GRID1: variants seen among roughly 807,000 people sequenced by gnomAD.
The protein encoded by GRID1 is glutamate ionotropic receptor delta type subunit 1, also known as glutamate receptor ionotropic, delta-1.
GRID1 carries 28 observed loss-of-function variants against 98.0 expected under a neutral mutation model. The observed-to-expected ratio is 0.29, with a 90% CI of 0.21 to 0.39. The LOEUF is 0.39. GRID1 is among the 10% of genes least tolerant of loss of function. The pLI, the probability that GRID1 is intolerant of heterozygous loss-of-function variation, is 1.00. For missense variants in GRID1, 1,111 were observed against 1,340.5 expected (o/e 0.83, Z 2.67); for synonymous variants, 553 against 538.5 (o/e 1.03, Z -0.37).
intron 8 of GRID1, among the ~76,000 whole-genome samples, chr10:85,767,180 C>A (rs571758969): frequency 6.6e-6 from 1 of 152,320 alleles, no homozygotes; most frequent in South Asian, 2.1e-4. Context: ...AAAGTTGTAG[C>A]TAATATTTCC....
At chr10:86,057,012 C>A (rs1843583759) in intron 4 of GRID1, among the ~76,000 whole-genome samples, 1 of 152,190 alleles carries the variant, frequency 6.6e-6, no homozygotes, top group Non-Finnish European at 1.5e-5. Context: ...GAAGTTCCTT[C>A]AGCACATCCA....
intron 4 of GRID1, among the ~76,000 whole-genome samples, chr10:86,137,006 C>T (rs887750505): frequency 2.6e-5 from 4 of 151,980 alleles, no homozygotes; most frequent in African/African-American, 9.7e-5. Context: ...AAAAAAGTGG[C>T]CACCCCAGAG....
intron 4 of GRID1, among the ~76,000 whole-genome samples, chr10:86,116,455 G>T (rs1844580905): frequency 1.3e-5 from 2 of 152,120 alleles, no homozygotes; most frequent in African/African-American, 4.8e-5. Flanking sequence ...GTGAGAAGCT[G>T]CCCTTCCCAA....
intron 4 of GRID1, among the ~76,000 whole-genome samples, chr10:86,084,278 G>A (rs184899966): frequency 3.0e-4 from 46 of 151,732 alleles, no homozygotes; most frequent in African/African-American, 1.1e-3. Flanking sequence ...AAAATGAGGA[G>A]GCCTTATACT....
intron 4 of GRID1, among the ~76,000 whole-genome samples, chr10:86,114,189 T>G (rs1844536869): frequency 6.6e-6 from 1 of 151,668 alleles, no homozygotes; most frequent in African/African-American, 2.4e-5. Flanking sequence ...AGACATGGAG[T>G]GCAGTATACG....
At chr10:86,080,561 G>A (rs1392367409) in intron 4 of GRID1, among the ~76,000 whole-genome samples, 1 of 151,822 alleles carries the variant, frequency 6.6e-6, no homozygotes, top group Non-Finnish European at 1.5e-5. Context: ...GTAAGATGAA[G>A]CCCAGGGTTT....
chr10:86,263,717 C>T (rs967381053), intron 2 of GRID1, among the ~76,000 whole-genome samples: 2 of 152,118 alleles, frequency 1.3e-5, no homozygotes, highest in African/African-American at 4.8e-5. Context: ...TAGAACAGTG[C>T]CTGGTACATA....
At chr10:86,087,615 T>C (rs1320449527) in intron 4 of GRID1, among the ~76,000 whole-genome samples, 1 of 151,974 alleles carries the variant, frequency 6.6e-6, no homozygotes, top group East Asian at 1.9e-4. Flanking sequence ...CACTGGCCAC[T>C]CCTATGTGTC....
chr10:86,248,536 C>T (rs1246044327), intron 2 of GRID1, among the ~76,000 whole-genome samples: 3 of 151,496 alleles, frequency 2.0e-5, no homozygotes, highest in African/African-American at 7.3e-5. Context: ...ACCTCTGCTC[C>T]CTGTCTGCAA....
At chr10:86,301,587 G>A (rs978990291) in intron 2 of GRID1, among the ~76,000 whole-genome samples, 3 of 152,168 alleles carry the variant, frequency 2.0e-5, no homozygotes, top group African/African-American at 7.2e-5. Context: ...ACAAGGAACT[G>A]TTCCAACCTT....
intron 4 of GRID1, among the ~76,000 whole-genome samples, chr10:86,068,615 C>T (rs1843753524): frequency 6.6e-6 from 1 of 152,168 alleles, no homozygotes; most frequent in Non-Finnish European, 1.5e-5. Flanking sequence ...CTAACAGCTT[C>T]AATAAAGGTA....
At chr10:85,627,157 A>G (rs1006413922) in intron 13 of GRID1, among the ~76,000 whole-genome samples, 33 of 152,038 alleles carry the variant, frequency 2.2e-4, no homozygotes, top group African/African-American at 8.0e-4. Context: ...TTTCCATGGG[A>G]AAAAAAAGAG....
intron 3 of GRID1, among the ~76,000 whole-genome samples, chr10:86,194,809 A>G (rs1468014479): frequency 6.6e-6 from 1 of 151,810 alleles, no homozygotes; most frequent in African/African-American, 2.4e-5. Flanking sequence ...GCACTCGGCC[A>G]CCAATGCTTA....
At chr10:86,167,663 G>A (rs1054539822) in intron 3 of GRID1, among the ~76,000 whole-genome samples, 2 of 152,172 alleles carry the variant, frequency 1.3e-5, no homozygotes, top group Non-Finnish European at 2.9e-5. Context: ...TTTTACAGAT[G>A]AGGAAACTGA....
At chr10:85,997,364 A>C (rs976948468) in intron 4 of GRID1, among the ~76,000 whole-genome samples, 2 of 151,986 alleles carry the variant, frequency 1.3e-5, no homozygotes, top group African/African-American at 4.8e-5. Flanking sequence ...GCGCCACTGT[A>C]CTACAGCCTG....
At chr10:85,836,067 G>T (rs756877528) in intron 8 of GRID1, among the ~76,000 whole-genome samples, 1 of 152,040 alleles carries the variant, frequency 6.6e-6, no homozygotes, top group East Asian at 1.9e-4. Flanking sequence ...AGCACTAAAA[G>T]CTTATATTAG....
At chr10:85,777,244 C>T (rs1298886367) in intron 8 of GRID1, among the ~76,000 whole-genome samples, 1 of 152,164 alleles carries the variant, frequency 6.6e-6, no homozygotes, top group East Asian at 1.9e-4. Context: ...GCCAATGCTA[C>T]AAAAACCTGG....
intron 4 of GRID1, among the ~76,000 whole-genome samples, chr10:86,031,888 G>A (rs1163390392): frequency 6.6e-6 from 1 of 152,146 alleles, no homozygotes; most frequent in Non-Finnish European, 1.5e-5. Context: ...CTTTGCACTG[G>A]CTGTTCCCTC....
At chr10:85,800,353 A>C (rs895396603) in intron 8 of GRID1, among the ~76,000 whole-genome samples, 1 of 152,210 alleles carries the variant, frequency 6.6e-6, no homozygotes, top group East Asian at 1.9e-4. Flanking sequence ...ACTGGATTAC[A>C]TACTAAACAA....
Sources: gnomAD v4.1 joint callset for allele counts (sites outside exome capture counted in the v4.1 genomes callset) on GRCh38, gnomAD v4.1.1 for gene constraint, MANE v1.5 for transcripts, NCBI Gene and HGNC (gene_info 2026-07-23, HGNC 2026-07-21) for gene names.